Variants in RTTN observed in about 807,000 individuals in gnomAD.
RTTN encodes rotatin.
A neutral mutation model predicts 269.2 loss-of-function variants in RTTN; 182 were observed. That is an observed-to-expected ratio of 0.68 (90% CI 0.60 to 0.76). The LOEUF (loss-of-function observed/expected upper bound fraction) is 0.76. Among genes scored for constraint, RTTN ranks in the 30% least tolerant of loss-of-function variants. RTTN has a pLI of 0.00. For missense variants in RTTN, 2,545 were observed against 2,608.6 expected, an observed-to-expected ratio of 0.98 and a Z score of 0.53; for synonymous variants, 1,006 against 963.5, an observed-to-expected ratio of 1.04 and a Z score of -0.82.
At chr18:70,189,634 C>A (rs2061624677) in intron 9 of RTTN, among the ~76,000 whole-genome samples, 1 of 152,138 alleles carries the variant, frequency 6.6e-6, no homozygotes, top group Admixed American at 6.5e-5. Flanking sequence ...CTGCTTTTAG[C>A]CGTTTGACTT....
chr18:70,061,942 G>A (rs2057998867), intron 35 of RTTN, among the ~76,000 whole-genome samples: 3 of 152,072 alleles, frequency 2.0e-5, no homozygotes, highest in Non-Finnish European at 2.9e-5. Context: ...TGTAATTTCC[G>A]TTATGTGAAA....
At chr18:70,057,430 G>A (rs1468542649) in intron 37 of RTTN, among the ~76,000 whole-genome samples, 2 of 152,182 alleles carry the variant, frequency 1.3e-5, no homozygotes, top group African/African-American at 2.4e-5. Context: ...GAAGCAGGAA[G>A]TGAACTATAC....
chr18:70,054,177 G>A lies in RTTN; in HGVS notation c.5139C>T (p.Ile1713=), dbSNP rs368483327. 41 of 1,613,474 alleles carry A rather than the reference G, an allele frequency of 2.5e-5. No individual in the cohort carries two copies. In the African/African-American group the frequency reaches 4.7e-4, roughly 18 times the overall value. ...VIQDELVKPL[I]TNIIGILTIC... is the part of the protein sequence containing the mutation. ...TGGTGAGAATTCCAATGATATTGGT[G>A]ATAAGAGGTTTCACAAGCTCATCCT... Residue 1713 remains isoleucine, a synonymous_variant, in exon 38 of 49, where the codon ATC becomes ATT. Coordinates refer to ENST00000640769, the MANE Select transcript of RTTN (RefSeq NM_173630.4).
At chr18:70,130,861 A>G (rs966328554) in intron 23 of RTTN, 1 of 152,070 alleles carries the variant, frequency 6.6e-6, no homozygotes, top group Admixed American at 6.6e-5. Flanking sequence ...TGATTTGATC[A>G]TTATACATTG....
intron 28 of RTTN, among the ~76,000 whole-genome samples, chr18:70,098,295 G>T (rs1237615873): frequency 6.6e-6 from 1 of 152,056 alleles, no homozygotes; most frequent in African/African-American, 2.4e-5. Context: ...ACAACTGAAA[G>T]AATTAGAGCA....
In RTTN at chr18:70,187,965, C is replaced by G. The variant is rs1599995669; in HGVS notation, c.1305+143G>C. The G allele has an allele frequency of 1.7e-5, 10 of 575,776 alleles. No individual in the cohort carries two copies. In the East Asian group the frequency reaches 2.9e-4, roughly 17 times the overall value. The allele number at this position is 575,776 out of a possible 1,614,324, so 35.7% of individuals were successfully genotyped here. ...TTTGGAAAAATAGGCCTGTTCCAGG[C>G]TATTTATAACATAAGCCTGGGACAT... On this transcript the variant is annotated intron_variant, in intron 10 of 48. Transcript: ENST00000640769.
chr18:70,082,971 G>A (rs1275184407), intron 32 of RTTN, among the ~76,000 whole-genome samples: 2 of 152,170 alleles, frequency 1.3e-5, no homozygotes, highest in African/African-American at 2.4e-5. Flanking sequence ...GGGATTACAG[G>A]CATGAGCCAC....
Position 70,121,548 on chromosome 18 carries a change from C to A in RTTN, c.3528+8G>T. The A allele has an allele frequency of 6.4e-7, 1 of 1,551,522 alleles. No individual in the cohort carries two copies. The highest frequency in any genetic ancestry group is 8.6e-7 in the Non-Finnish European group (1 of 1,158,854). On this transcript the variant is annotated splice_region_variant and intron_variant, in intron 26 of 48. Transcript: ENST00000640769. Reference sequence around the variant, plus strand: ...AACTTAAAATCCAAATTCCTTAACACCACTTACATGTCTAAGAAGTAATTC... The same window carrying A: ...AACTTAAAATCCAAATTCCTTAACAACACTTACATGTCTAAGAAGTAATTC...
intron 46 of RTTN, among the ~76,000 whole-genome samples, chr18:70,015,638 G>A (rs567857827): frequency 6.6e-6 from 1 of 152,138 alleles, no homozygotes; most frequent in African/African-American, 2.4e-5. Context: ...GTGGGCTAGG[G>A]GAAGCTTCTC....
chr18:70,156,115 A>G (rs573689421), intron 14 of RTTN, among the ~76,000 whole-genome samples: 1 of 152,338 alleles, frequency 6.6e-6, no homozygotes, highest in South Asian at 2.1e-4. Context: ...AACAAGAGAG[A>G]TCACCTTAAA....
intron 28 of RTTN, among the ~76,000 whole-genome samples, chr18:70,100,921 T>A (rs2059144421): frequency 6.6e-6 from 1 of 152,314 alleles, no homozygotes; most frequent in Middle Eastern, 3.4e-3. Flanking sequence ...ATCCCAGGGA[T>A]GAAGCCCACT....
At chr18:70,060,222 A>G (rs1337160676) in intron 35 of RTTN, among the ~76,000 whole-genome samples, 180 bp from the exon 36 acceptor site, 2 of 151,970 alleles carry the variant, frequency 1.3e-5, no homozygotes, top group Non-Finnish European at 2.9e-5. Context: ...ACTACTCCTG[A>G]CCTCCACCTT....
intron 28 of RTTN, among the ~76,000 whole-genome samples, chr18:70,107,700 A>G (rs1348761836): frequency 1.3e-5 from 2 of 152,244 alleles, no homozygotes; most frequent in Middle Eastern, 3.2e-3. Flanking sequence ...GCAGAAATAA[A>G]ACAGGAGAAA....
Position 70,134,491 on chromosome 18 carries a change from G to C in RTTN, c.2936C>G (p.Pro979Arg). ...KPSLPSVFSL[P>R]VSVFRRYHLP... ...CCTTTACCTTCTAAAAACGGAAACA[G>C]GCAAACTGAAGACCGATGGCAAAGA... Residue 979 changes from proline to arginine, a missense_variant, in exon 23 of 49, where the codon CCT (proline) becomes CGT (arginine). Physicochemically the swap from Pro to Arg is moderately radical, Grantham distance 103. Coordinates refer to ENST00000640769, the MANE Select transcript of RTTN (RefSeq NM_173630.4). 1 of 1,609,218 alleles carries C rather than the reference G, an allele frequency of 6.2e-7. No individual in the cohort carries two copies. The highest frequency in any genetic ancestry group is 1.1e-5 in the South Asian group (1 of 90,422).
chr18:70,175,667 A>T (rs1029477287), intron 11 of RTTN, among the ~76,000 whole-genome samples: 1 of 151,984 alleles, frequency 6.6e-6, no homozygotes, highest in Non-Finnish European at 1.5e-5. Context: ...TTACTAAAAT[A>T]TGCAACACAC....
chr18:70,073,866 G>T, intron 34 of RTTN, 40 bp downstream of exon 34: 1 of 1,470,402 alleles, frequency 6.8e-7, no homozygotes, highest in Non-Finnish European at 9.5e-7. Context: ...AATTTTTTCA[G>T]AGATTCAAAA....
At chr18:70,050,739 G>C (rs2057638277) in intron 39 of RTTN, among the ~76,000 whole-genome samples, 1 of 152,140 alleles carries the variant, frequency 6.6e-6, no homozygotes, top group Admixed American at 6.5e-5. Context: ...ACATTATGCA[G>C]CCATAAAAAA....
intron 32 of RTTN, among the ~76,000 whole-genome samples, chr18:70,082,054 A>G (rs995052452): frequency 3.9e-5 from 6 of 152,154 alleles, no homozygotes; most frequent in Admixed American, 6.5e-5. Flanking sequence ...CAAATTTCCT[A>G]TAAATCTAAG....
intron 21 of RTTN, chr18:70,138,743 C>T (rs1384334044): frequency 1.3e-5 from 2 of 152,102 alleles, no homozygotes; most frequent in African/African-American, 4.8e-5. Context: ...GCATCTTACT[C>T]ACTTGGCAAG....
Sources: gnomAD v4.1 joint callset for allele counts (sites outside exome capture counted in the v4.1 genomes callset) on GRCh38, gnomAD v4.1.1 for gene constraint, MANE v1.5 for transcripts, NCBI Gene and HGNC (gene_info 2026-07-23, HGNC 2026-07-21) for gene names.